Variants in SLC22A23 observed in about 807,000 individuals in gnomAD.
The protein encoded by SLC22A23 is solute carrier family 22 member 23.
SLC22A23 carries 26 observed loss-of-function variants against 61.0 expected under a neutral mutation model. The observed-to-expected ratio is 0.43, with a 90% CI of 0.31 to 0.59. The LOEUF (loss-of-function observed/expected upper bound fraction) is 0.59, where lower values mean the gene tolerates loss of function less well. Among genes scored for constraint, SLC22A23 ranks in the 20% least tolerant of loss-of-function variants. SLC22A23 has a pLI of 0.11. For synonymous variants in SLC22A23, 430 were observed against 413.9 expected, an observed-to-expected ratio of 1.04 and a Z score of -0.47; for missense variants, 796 against 934.7, an observed-to-expected ratio of 0.85 and a Z score of 1.94.
In SLC22A23 at chr6:3,269,432, A is replaced by C. The variant is rs545111305; in HGVS notation, c.*3623T>G. Reference sequence around the variant, plus strand: ...GCCCTTCGGTGGATACCATCAGGTGAGGTAGGGAAGACATTCCAGAGGAAA... The same window carrying C: ...GCCCTTCGGTGGATACCATCAGGTGCGGTAGGGAAGACATTCCAGAGGAAA... On this transcript the variant is annotated 3_prime_UTR_variant, in exon 10 of 10. Transcript: ENST00000406686. 1.3e-5 allele frequency: 2 copies of C among 152,740 alleles called. No individual in the cohort carries two copies. The highest frequency in any genetic ancestry group is 1.3e-4 in the Admixed American group (2 of 15,304). 9.5% of individuals were successfully genotyped at this position (152,740 alleles called of 1,614,324 possible).
At chr6:3,359,136 C>T (rs375182407) in intron 3 of SLC22A23, among the ~76,000 whole-genome samples, 3 of 152,090 alleles carry the variant, frequency 2.0e-5, no homozygotes, top group African/African-American at 7.2e-5. Context: ...CGGGCTGCAT[C>T]CAGAATCACA....
intron 3 of SLC22A23, among the ~76,000 whole-genome samples, chr6:3,399,601 A>G (rs1472905188): frequency 6.6e-6 from 1 of 152,214 alleles, no homozygotes; most frequent in Non-Finnish European, 1.5e-5. Context: ...TTAATATTTA[A>G]CAATATGAAC....
intron 4 of SLC22A23, among the ~76,000 whole-genome samples, chr6:3,305,506 C>G (rs1001664863): frequency 1.3e-5 from 2 of 152,224 alleles, no homozygotes; most frequent in African/African-American, 4.8e-5. Flanking sequence ...ATTCGTTGGC[C>G]TGTCAGCCTC....
chr6:3,316,447 G>A (rs1762645561), intron 4 of SLC22A23, among the ~76,000 whole-genome samples: 1 of 152,228 alleles, frequency 6.6e-6, no homozygotes, highest in Non-Finnish European at 1.5e-5. Context: ...CACCAGGGAG[G>A]CATAAGATGT....
At chr6:3,399,575 T>A (rs1768241642) in intron 3 of SLC22A23, among the ~76,000 whole-genome samples, 1 of 152,190 alleles carries the variant, frequency 6.6e-6, no homozygotes, top group African/African-American at 2.4e-5. Flanking sequence ...TTACGGATAA[T>A]GAGCAACGTC....
At chr6:3,395,451 T>G (rs1006996144) in intron 3 of SLC22A23, among the ~76,000 whole-genome samples, 2 of 152,214 alleles carry the variant, frequency 1.3e-5, no homozygotes, top group South Asian at 2.1e-4. Flanking sequence ...AGAAGAGTAA[T>G]AGGAAAACAG....
chr6:3,314,944 T>G (rs907109581), intron 4 of SLC22A23, among the ~76,000 whole-genome samples: 15 of 152,158 alleles, frequency 9.9e-5, no homozygotes, highest in African/African-American at 3.6e-4. Flanking sequence ...ATTTCCTCCT[T>G]ATTTCCCATA....
intron 3 of SLC22A23, among the ~76,000 whole-genome samples, chr6:3,336,080 C>T (rs1482939279): frequency 6.9e-6 from 1 of 145,730 alleles, no homozygotes; most frequent in East Asian, 2.0e-4. Flanking sequence ...AAGAGCGAGA[C>T]TCCATCTCAA....
intron 3 of SLC22A23, among the ~76,000 whole-genome samples, chr6:3,402,384 T>G (rs989283957): frequency 5.9e-5 from 3 of 50,734 alleles, no homozygotes. Flanking sequence ...TCCATCCTCC[T>G]TCCTTGGCTT....
At chr6:3,292,574 C>T (rs959205381) in intron 5 of SLC22A23, among the ~76,000 whole-genome samples, 4 of 152,172 alleles carry the variant, frequency 2.6e-5, no homozygotes, top group Admixed American at 6.5e-5. Flanking sequence ...CACGTCGAGC[C>T]GACTGAATTT....
chr6:3,351,445 G>T (rs1201093070), intron 3 of SLC22A23, among the ~76,000 whole-genome samples: 1 of 152,160 alleles, frequency 6.6e-6, no homozygotes, highest in East Asian at 1.9e-4. Context: ...ATGGGGTGGG[G>T]GTGGCTGAGC....
chr6:3,372,256 G>A lies in SLC22A23; in HGVS notation c.913+37932C>T, dbSNP rs1184538023. Among the ~76,000 whole-genome samples the A allele has an allele frequency of 1.3e-5, 2 of 152,204 alleles. No homozygotes were observed. The highest frequency in any genetic ancestry group is 4.8e-5 in the African/African-American group (2 of 41,448). ...TCTGAAGCAGGGTAAACACCATCGG[G>A]CCAGTAAATCTTGTCCATCTAGTGT... On this transcript the variant is annotated intron_variant, in intron 3 of 9. Transcript: ENST00000406686. This position sits in a 1 kb window ranked among gnomAD's most constrained non-coding sequence, Gnocchi z 4.7.
Position 3,297,066 on chromosome 6 carries a change from C to T in SLC22A23, c.1210+1025G>A, listed in dbSNP as rs1235726165. ...CCTCTATCCCACAGCCCTGCTGTTT[C>T]ATCCCTCCTGACGTATGCACGTGTA... On this transcript the variant is annotated intron_variant, in intron 5 of 9. Transcript: ENST00000406686. This position sits in a 1 kb window ranked among gnomAD's most constrained non-coding sequence, Gnocchi z 4.3. Among the ~76,000 whole-genome samples, 1 of 152,266 alleles carries T rather than the reference C, an allele frequency of 6.6e-6. No individual in the cohort carries two copies. The highest frequency in any genetic ancestry group is 1.5e-5 in the Non-Finnish European group (1 of 68,048).
chr6:3,440,905 G>A (rs1258122721), intron 1 of SLC22A23, among the ~76,000 whole-genome samples: 11 of 152,302 alleles, frequency 7.2e-5, no homozygotes, highest in Non-Finnish European at 1.2e-4. Flanking sequence ...CTGCCCGTCT[G>A]TGGTATTCTG....
intron 3 of SLC22A23, among the ~76,000 whole-genome samples, chr6:3,394,857 C>T (rs1327318282): frequency 6.6e-6 from 1 of 152,170 alleles, no homozygotes; most frequent in Non-Finnish European, 1.5e-5. Flanking sequence ...GGCTAAGACT[C>T]GGGGAAGGGA....
chr6:3,290,654 C>T (rs954991333), intron 5 of SLC22A23: 1 of 152,764 alleles, frequency 6.5e-6, no homozygotes, highest in Non-Finnish European at 1.5e-5. Flanking sequence ...CACAGTGTTA[C>T]ATTCACCAGG....
rs1034650063 is a variant in SLC22A23 at position 3,269,252 on chromosome 6, C to A, written c.*3803G>T. ...TAATCCAGCCTCTGCCTCTGACTACCTTTAAGACCAGGACTCGAAGCAGAG... is the reference window on the plus strand; with the variant it reads ...TAATCCAGCCTCTGCCTCTGACTACATTTAAGACCAGGACTCGAAGCAGAG... On this transcript the variant is annotated 3_prime_UTR_variant, in exon 10 of 10. Transcript: ENST00000406686. The A allele has an allele frequency of 1.3e-5, 2 of 152,362 alleles. No homozygotes were observed. Among genetic ancestry groups the A allele is most frequent in the African/African-American group, 4.8e-5 (2 of 41,470 alleles). The allele number at this position is 152,362 out of a possible 1,614,324, so 9.4% of individuals were successfully genotyped here.
rs1767342134 is a variant in SLC22A23, at chr6:3,386,833, T to C, written c.913+23355A>G. Among the ~76,000 whole-genome samples, 1 of 152,166 alleles carries C rather than the reference T, an allele frequency of 6.6e-6. No individual in the cohort carries two copies. Among genetic ancestry groups the C allele is most frequent in the South Asian group, 2.1e-4 (1 of 4,832 alleles). The stretch of plus-strand genomic sequence containing the variant: ...CTGACACACGGACCTGGCAGCAACA[T>C]GGGGAACAAGGACTTGCTTCCACAG... On this transcript the variant is annotated intron_variant, in intron 3 of 9. Transcript: ENST00000406686. The surrounding 1 kb of genome is among the most constrained non-coding windows in gnomAD (Gnocchi z 4.4).
In SLC22A23 at chr6:3,386,543, G is replaced by A. The variant is rs954657712; in HGVS notation, c.913+23645C>T. On this transcript the variant is annotated intron_variant, in intron 3 of 9. Coordinates refer to ENST00000406686, the MANE Select transcript of SLC22A23 (RefSeq NM_015482.2). This position sits in a 1 kb window ranked among gnomAD's most constrained non-coding sequence, Gnocchi z 4.4. ...GTTCTGAGGCAGCCTTGTTCTTCCAGACACAGAGGAGGCTGGCACTGCCAG... is the reference window on the plus strand; with the variant it reads ...GTTCTGAGGCAGCCTTGTTCTTCCAAACACAGAGGAGGCTGGCACTGCCAG... Among the ~76,000 whole-genome samples the A allele has an allele frequency of 1.3e-5, 2 of 152,234 alleles. No homozygotes were observed. The highest frequency in any genetic ancestry group is 2.9e-5 in the Non-Finnish European group (2 of 68,032).
Sources: gnomAD v4.1 joint callset for allele counts (sites outside exome capture counted in the v4.1 genomes callset) on GRCh38, gnomAD v4.1.1 for gene constraint, Gnocchi (gnomAD v3.1) non-coding constraint, MANE v1.5 for transcripts, NCBI Gene and HGNC (gene_info 2026-07-23, HGNC 2026-07-21) for gene names.